The following ARHGEF7 variants were observed in gnomAD, a reference collection of about 807,000 sequenced individuals.
The protein encoded by ARHGEF7 is PAK-interacting exchange factor beta.
Under a neutral mutation model 109.8 loss-of-function variants are expected in ARHGEF7, and 33 were observed. The observed-to-expected ratio is 0.30, with a 90% CI of 0.23 to 0.40. The LOEUF (loss-of-function observed/expected upper bound fraction) is 0.40, where lower values mean the gene tolerates loss of function less well. Ranked by LOEUF, ARHGEF7 falls within the 10% of genes least tolerant of loss-of-function variation. The pLI is 1.00. For synonymous variants in ARHGEF7, 458 were observed against 424.6 expected (o/e 1.08, Z -0.97); for missense variants, 938 against 1,098.5 (o/e 0.85, Z 2.07).
At chr13:111,225,642 T>A (rs2085106344) in intron 5 of ARHGEF7, among the ~76,000 whole-genome samples, 1 of 152,146 alleles carries the variant, frequency 6.6e-6, no homozygotes, top group Non-Finnish European at 1.5e-5. Context: ...AGCTTTTCAT[T>A]ATTGTATCCG....
At chr13:111,205,417 C>T (rs774255257) in intron 3 of ARHGEF7, 44 bp downstream of exon 3, 21 of 1,368,236 alleles carry the variant, frequency 1.5e-5, no homozygotes, top group African/African-American at 3.0e-5. Flanking sequence ...GGAAGACATA[C>T]GGGCTGACAC....
At chr13:111,281,363 C>T (rs975906765) in intron 15 of ARHGEF7, among the ~76,000 whole-genome samples, 9 of 151,886 alleles carry the variant, frequency 5.9e-5, no homozygotes, top group African/African-American at 1.7e-4. Context: ...GAATGAATGA[C>T]GATGACACAG....
chr13:111,133,997 C>A (rs1301154369), intron 1 of ARHGEF7, among the ~76,000 whole-genome samples: 1 of 150,624 alleles, frequency 6.6e-6, no homozygotes, highest in African/African-American at 2.4e-5. Context: ...ATTACCCTTC[C>A]TGTGTCCAAG....
intron 8 of ARHGEF7, among the ~76,000 whole-genome samples, chr13:111,245,504 G>C (rs753129500): frequency 1.3e-5 from 2 of 152,230 alleles, no homozygotes; most frequent in East Asian, 3.9e-4. Flanking sequence ...TTCAAATGCC[G>C]ATCAACTGTA....
chr13:111,159,110 C>T (rs1300510724), intron 2 of ARHGEF7: 1 of 717,860 alleles, frequency 1.4e-6, no homozygotes, highest in South Asian at 1.5e-5. Flanking sequence ...CTTTTTTACA[C>T]TTTACATATA....
intron 2 of ARHGEF7, among the ~76,000 whole-genome samples, chr13:111,164,697 A>G (rs2076990300): frequency 6.6e-6 from 1 of 152,174 alleles, no homozygotes; most frequent in Non-Finnish European, 1.5e-5. Context: ...CCCATTATGA[A>G]GTGTGTGTTA....
chr13:111,161,133 C>T (rs902069410), intron 2 of ARHGEF7, among the ~76,000 whole-genome samples: 1 of 152,176 alleles, frequency 6.6e-6, no homozygotes, highest in African/African-American at 2.4e-5. Context: ...AAATACAAAA[C>T]ACTTCTGATG....
At chr13:111,196,257 GAGTTGAGTCCC>G (rs1406276328) in intron 2 of ARHGEF7, among the ~76,000 whole-genome samples, 2 of 152,208 alleles carry the variant, frequency 1.3e-5, no homozygotes, top group Non-Finnish European at 2.9e-5. Context: ...CCCATGATCT[GAGTTGAGTCCC>G]AGTGGGGATC....
At chr13:111,221,561 A>ATATATAGATACATATCTATATATATC (rs1566876962) in intron 5 of ARHGEF7, among the ~76,000 whole-genome samples, 2 of 46,586 alleles carry the variant, frequency 4.3e-5, no homozygotes, top group African/African-American at 1.5e-4. Flanking sequence ...CTATATATCT[A>ATATATAGATACATATCTATATATATC]TATATATAGA....
chr13:111,172,515 C>T (rs534506232), intron 2 of ARHGEF7, among the ~76,000 whole-genome samples: 1 of 152,364 alleles, frequency 6.6e-6, no homozygotes, highest in Admixed American at 6.5e-5. Flanking sequence ...GACAGTGTCA[C>T]ATCCTCTCTG....
chr13:111,303,185 GTGCACTCA>G lies in ARHGEF7; in HGVS notation c.*73_*80del. Reference sequence around the variant, plus strand: ...CTGGGCACCCCTGACCCAAGTCGGGGTGCACTCAGGACCACAGGGCAGGGCTGGGTGGG... The same window carrying G: ...CTGGGCACCCCTGACCCAAGTCGGGGGGACCACAGGGCAGGGCTGGGTGGG... On this transcript the variant is annotated 3_prime_UTR_variant, in exon 22 of 22. Transcript: ENST00000646102. The G allele has an allele frequency of 1.6e-6, 2 of 1,280,898 alleles. No homozygotes were observed. 79.3% of individuals were successfully genotyped at this position (1,280,898 alleles called of 1,614,324 possible).
intron 2 of ARHGEF7, among the ~76,000 whole-genome samples, chr13:111,171,034 T>C (rs1053317056): frequency 7.9e-5 from 12 of 152,256 alleles, no homozygotes; most frequent in Non-Finnish European, 1.6e-4. Flanking sequence ...GAATTTTGTG[T>C]GCACTGGATT....
At chr13:111,119,108 G>A (rs2066999118) in intron 1 of ARHGEF7, among the ~76,000 whole-genome samples, 1 of 152,134 alleles carries the variant, frequency 6.6e-6, no homozygotes, top group Admixed American at 6.5e-5. Flanking sequence ...GGTAGTTCCT[G>A]GCTTGTGGCA....
chr13:111,136,124 C>A (rs1196841110), intron 1 of ARHGEF7, among the ~76,000 whole-genome samples: 26 of 152,250 alleles, frequency 1.7e-4, no homozygotes, highest in Non-Finnish European at 7.4e-5. Context: ...GTTGAACCAG[C>A]CTTGCATCCC....
Position 111,274,771 on chromosome 13 carries a change from C to T in ARHGEF7, c.1253C>T (p.Ala418Val). Residue 418 changes from alanine (A) to valine (V), a missense_variant, in exon 11 of 22, where the codon GCT becomes GTT. Ala to Val is a moderately conservative substitution (Grantham distance 64). Transcript: ENST00000646102. ...TDRQDIQKSM[A>V]AFKNLSAQCQ... Reference sequence around the variant, plus strand: ...AGACAAGATATTCAAAAATCCATGGCTGCCTTCAAAAACCTTTCAGTAAGT... The same window carrying T: ...AGACAAGATATTCAAAAATCCATGGTTGCCTTCAAAAACCTTTCAGTAAGT... 1 of 1,497,118 alleles carries T rather than the reference C, an allele frequency of 6.7e-7. No individual in the cohort carries two copies. The highest frequency in any genetic ancestry group is 8.9e-7 in the Non-Finnish European group (1 of 1,122,134). The allele number at this position is 1,497,118 out of a possible 1,614,324, so 92.7% of individuals were successfully genotyped here. A position where few individuals can be genotyped will look rare whatever the true frequency, so the allele number is the denominator to read the frequency against.
chr13:111,250,489 A>G (rs1433601970), intron 8 of ARHGEF7, among the ~76,000 whole-genome samples: 1 of 152,208 alleles, frequency 6.6e-6, no homozygotes, highest in Admixed American at 6.5e-5. Flanking sequence ...CATATCAGGC[A>G]CCAAGAGCAA....
intron 10 of ARHGEF7, among the ~76,000 whole-genome samples, chr13:111,274,386 T>G (rs2092357407): frequency 1.3e-5 from 2 of 152,198 alleles, no homozygotes; most frequent in African/African-American, 2.4e-5. Context: ...TTGGCAAACC[T>G]TTTCTATAAG....
chr13:111,242,061 G>C (rs532153953), intron 6 of ARHGEF7, among the ~76,000 whole-genome samples: 1 of 152,224 alleles, frequency 6.6e-6, no homozygotes, highest in East Asian at 1.9e-4. Flanking sequence ...CGGGAATTTC[G>C]TAGAAGGAAG....
chr13:111,246,886 A>G (rs1393010989), intron 8 of ARHGEF7, among the ~76,000 whole-genome samples: 2 of 152,254 alleles, frequency 1.3e-5, no homozygotes, highest in East Asian at 1.9e-4. Context: ...GTTGGGCATT[A>G]TATCAGCCCT....
Sources: gnomAD v4.1 joint callset for allele counts (sites outside exome capture counted in the v4.1 genomes callset) on GRCh38, gnomAD v4.1.1 for gene constraint, MANE v1.5 for transcripts, NCBI Gene and HGNC (gene_info 2026-07-23, HGNC 2026-07-21) for gene names.